Variants in STOX2 observed in about 807,000 individuals in gnomAD.
STOX2 encodes storkhead box 2, also known as storkhead-box protein 2.
Under a neutral mutation model 60.9 loss-of-function variants are expected in STOX2, and 28 were observed. That is an observed-to-expected ratio of 0.46 (90% CI 0.34 to 0.63). The LOEUF is 0.63. STOX2 is among the 30% of genes least tolerant of loss of function. STOX2 has a pLI of 0.01. For missense variants in STOX2, 1,024 were observed against 1,187.7 expected, an observed-to-expected ratio of 0.86 and a Z score of 2.03; for synonymous variants, 472 against 463.9, an observed-to-expected ratio of 1.02 and a Z score of -0.22.
At position 183,910,925 on chromosome 4, in the gene STOX2, C is replaced by A. The variant is rs114717028; in HGVS notation, c.166+3969C>A. On this transcript the variant is annotated intron_variant, in intron 1 of 3. Coordinates refer to ENST00000308497, the MANE Select transcript of STOX2 (RefSeq NM_020225.3). ...CACGTTTGACTGTGTGTTCCAGTTC[C>A]TTATGTTCTGTTATTTTAAGAGACA... Among the ~76,000 whole-genome samples the A allele has an allele frequency of 7.1e-3, 1,081 of 152,168 alleles. 12 individuals are homozygous for A. Among genetic ancestry groups the A allele is most frequent in the African/African-American group, 0.025 (1,023 of 41,496 alleles).
intron 1 of STOX2, among the ~76,000 whole-genome samples, chr4:183,830,507 G>T (rs1036441122): frequency 6.6e-6 from 1 of 152,092 alleles, no homozygotes; most frequent in Non-Finnish European, 1.5e-5. Flanking sequence ...GGTCATGAGG[G>T]TTCTTATCCT....
chr4:183,955,533 G>A (rs1008585144), intron 1 of STOX2, among the ~76,000 whole-genome samples: 6 of 152,100 alleles, frequency 3.9e-5, no homozygotes, highest in Non-Finnish European at 5.9e-5. Context: ...CTCCTCCTCT[G>A]ATCGGGACTA....
Position 184,009,682 on chromosome 4 carries a change from C to A in STOX2, c.844C>A (p.Gln282Lys). The A allele has an allele frequency of 6.2e-7, 1 of 1,613,854 alleles. No individual in the cohort carries two copies. Among genetic ancestry groups the A allele is most frequent in the South Asian group, 1.1e-5 (1 of 91,052 alleles). Reference protein sequence around the residue: ...RLSFKKDKTKQLANFSAQFPP... With the variant: ...RLSFKKDKTKKLANFSAQFPP... The stretch of plus-strand genomic sequence containing the variant: ...AAGTTTTAAAAAAGACAAGACCAAA[C>A]AGCTGGCCAATTTTTCTGCCCAGTT... Residue 282 changes from glutamine to lysine, a missense_variant, in exon 3 of 4, where the codon CAG (glutamine) becomes AAG (lysine). Around this residue, in one of 3 missense-constraint regions of STOX2, gnomAD observed 922 missense variants for 1,058.3 expected, o/e 0.87. Transcript: ENST00000308497. This position sits in a 1 kb window ranked among gnomAD's most constrained non-coding sequence, Gnocchi z 4.0.
At chr4:183,974,241 A>G (rs1040942478) in intron 1 of STOX2, among the ~76,000 whole-genome samples, 1 of 152,130 alleles carries the variant, frequency 6.6e-6, no homozygotes, top group Non-Finnish European at 1.5e-5. Flanking sequence ...TACAGTAAAA[A>G]CTCAATAGAT....
intron 1 of STOX2, among the ~76,000 whole-genome samples, chr4:183,814,514 A>G (rs1739106285): frequency 6.6e-6 from 1 of 152,248 alleles, no homozygotes; most frequent in Non-Finnish European, 1.5e-5. Context: ...ATGGGACTGC[A>G]TCGGGACCAG....
intron 1 of STOX2, among the ~76,000 whole-genome samples, chr4:183,945,895 A>C (rs531020245): frequency 6.6e-6 from 1 of 152,306 alleles, no homozygotes; most frequent in South Asian, 2.1e-4. Flanking sequence ...TATTTCTTTA[A>C]GCTCTTTAGA....
intron 1 of STOX2, among the ~76,000 whole-genome samples, chr4:183,991,432 A>ATT (rs11388760): frequency 3.4e-4 from 50 of 146,870 alleles, no homozygotes; most frequent in African/African-American, 6.0e-4. Context: ...TTGAGGAAGA[A>ATT]TTTTTTTTTT....
intron 1 of STOX2, among the ~76,000 whole-genome samples, chr4:183,812,616 A>G (rs1295077426): frequency 1.5e-5 from 2 of 132,582 alleles, no homozygotes; most frequent in East Asian, 2.0e-4. Context: ...TTCTGTGACT[A>G]CTTGTGAGGA....
At chr4:183,811,753 C>T (rs749277454) in intron 1 of STOX2, among the ~76,000 whole-genome samples, 3 of 152,070 alleles carry the variant, frequency 2.0e-5, no homozygotes, top group Non-Finnish European at 4.4e-5. Flanking sequence ...ATAGTTTTTT[C>T]CTCTCCTCTC....
At chr4:183,885,429 C>T (rs55825476) in intron 1 of STOX2, among the ~76,000 whole-genome samples, 206 of 152,324 alleles carry the variant, frequency 1.4e-3, no homozygotes, top group African/African-American at 4.4e-3. Flanking sequence ...GCCTGCATTT[C>T]GTGGTCACTG....
intron 1 of STOX2, among the ~76,000 whole-genome samples, chr4:183,926,172 A>G (rs1410420197): frequency 6.6e-6 from 1 of 152,238 alleles, no homozygotes; most frequent in Non-Finnish European, 1.5e-5. Context: ...ATACACAAAT[A>G]AATATTCAAG....
chr4:183,823,667 G>A (rs1739356023), intron 1 of STOX2, among the ~76,000 whole-genome samples: 1 of 152,158 alleles, frequency 6.6e-6, no homozygotes, highest in African/African-American at 2.4e-5. Flanking sequence ...ATAGCTCTGG[G>A]CCCGAGAGAC....
Position 183,906,703 on chromosome 4 carries a change from G to A in STOX2, c.-88G>A. The A allele has an allele frequency of 2.2e-6, 3 of 1,364,164 alleles. No individual in the cohort carries two copies. Among genetic ancestry groups the A allele is most frequent in the Non-Finnish European group, 2.9e-6 (3 of 1,029,692 alleles). 84.5% of individuals were successfully genotyped at this position (1,364,164 alleles called of 1,614,324 possible). ...GAAAATGTGCGCAGAGTCCGCCCGG[G>A]TCGTGCCCGCCGTAGACGGATGAAG... On this transcript the variant is annotated 5_prime_UTR_variant, in exon 1 of 4. Transcript: ENST00000308497.
chr4:183,842,380 T>A (rs1427726970), intron 1 of STOX2, among the ~76,000 whole-genome samples: 1 of 152,194 alleles, frequency 6.6e-6, no homozygotes, highest in Non-Finnish European at 1.5e-5. Flanking sequence ...CTCCTATCAA[T>A]TTCCCTTTAA....
In STOX2 at chr4:183,818,991, G is replaced by A. The variant is rs1420250594; in HGVS notation, c.364+20936G>A. On this transcript the variant is annotated intron_variant, in intron 1 of 2. Coordinates refer to the STOX2 transcript ENST00000513034. ...CTCCTCACATCTCAGACGATGGGTGGCCGGGCAGAGACCCTCCTCACTTCC... is the reference window on the plus strand; with the variant it reads ...CTCCTCACATCTCAGACGATGGGTGACCGGGCAGAGACCCTCCTCACTTCC... Among the ~76,000 whole-genome samples the A allele has an allele frequency of 4.6e-5, 7 of 152,210 alleles. No homozygotes were observed. The East Asian group carries it at 1.4e-3, about 29-fold the overall frequency.
chr4:184,017,508 G>C lies in STOX2; in HGVS notation c.*224G>C. The C allele has an allele frequency of 8.9e-6, 4 of 449,904 alleles. No homozygotes were observed. 27.9% of individuals were successfully genotyped at this position (449,904 alleles called of 1,614,324 possible). On this transcript the variant is annotated 3_prime_UTR_variant, in exon 4 of 4. Transcript: ENST00000308497. ...GTAGCAACTGAGTAACAGTAGGGGT[G>C]ATATGTATACTTTTGCTTCACTAAT...
chr4:183,820,321 A>G (rs1739277603), intron 1 of STOX2, among the ~76,000 whole-genome samples: 1 of 152,052 alleles, frequency 6.6e-6, no homozygotes, highest in African/African-American at 2.4e-5. Flanking sequence ...TCTTGCCCCT[A>G]CTATTAGGGT....
At chr4:183,908,754 A>G (rs772480775) in intron 1 of STOX2, among the ~76,000 whole-genome samples, 28 of 152,246 alleles carry the variant, frequency 1.8e-4, no homozygotes, top group Middle Eastern at 3.4e-3. Flanking sequence ...TTATTTCTTG[A>G]TCTACAAATG....
At chr4:183,818,698 G>T (rs889210905) in intron 1 of STOX2, among the ~76,000 whole-genome samples, 9 of 142,028 alleles carry the variant, frequency 6.3e-5, no homozygotes, top group African/African-American at 2.4e-4. Flanking sequence ...CCCACCTCCC[G>T]GACGGGGTAG....
Sources: gnomAD v4.1 joint callset for allele counts (sites outside exome capture counted in the v4.1 genomes callset) on GRCh38, gnomAD v4.1.1 for gene constraint, gnomAD v4.1.1 regional missense constraint, Gnocchi (gnomAD v3.1) non-coding constraint, MANE v1.5 for transcripts, NCBI Gene and HGNC (gene_info 2026-07-23, HGNC 2026-07-21) for gene names.